Variants in C10orf143 observed in about 807,000 individuals in gnomAD.
C10orf143 encodes the protein uncharacterized protein C10orf143.
At chr10:130,038,710 G>A (rs1310617407) in intron 3 of C10orf143, among the ~76,000 whole-genome samples, 2 of 152,172 alleles carry the variant, frequency 1.3e-5, no homozygotes, top group South Asian at 2.1e-4. Flanking sequence ...CTTGGCCTTA[G>A]CCTCCCTGGC....
chr10:130,096,519 T>C (rs1420896640), intron 1 of C10orf143, among the ~76,000 whole-genome samples: 3 of 144,260 alleles, frequency 2.1e-5, no homozygotes, highest in Non-Finnish European at 3.0e-5. Context: ...CTATTCACAA[T>C]AGCAAAGACT....
intron 3 of C10orf143, among the ~76,000 whole-genome samples, chr10:130,049,265 G>A (rs1220188072): frequency 1.3e-5 from 2 of 152,218 alleles, no homozygotes; most frequent in African/African-American, 2.4e-5. Context: ...GGAGACAGCA[G>A]GCATCTTTGA....
intron 3 of C10orf143, among the ~76,000 whole-genome samples, chr10:130,074,876 C>T (rs1327936804): frequency 6.6e-6 from 1 of 152,084 alleles, no homozygotes; most frequent in Non-Finnish European, 1.5e-5. Context: ...TTGGACCAAA[C>T]ACCTCCCTTC....
Position 130,054,177 on chromosome 10 carries a change from G to T in C10orf143, c.298-18207C>A, listed in dbSNP as rs547100735. Among the ~76,000 whole-genome samples, 71 of 152,266 alleles carry T rather than the reference G, an allele frequency of 4.7e-4. No individual in the cohort carries two copies. The Middle Eastern group carries it at 0.01, about 22-fold the overall frequency. On this transcript the variant is annotated intron_variant and NMD_transcript_variant, in intron 3 of 5. Transcript: ENST00000643056. ...TATACTGGCTGACTTGCAACTGCCC[G>T]TTTTCCCTCCCTCCAGCTCCTGGCA...
chr10:130,110,739 G>T lies in C10orf143; in HGVS notation c.34C>A (p.Arg12=). Residue 12 remains arginine, a synonymous_variant, in exon 1 of 4, where the codon CGG becomes AGG. Coordinates refer to ENST00000637128, the MANE Select transcript of C10orf143 (RefSeq NM_001355042.2). ...GGAACCTGCAGATCCTCCGCCCTCC[G>T]CTGTCGCCAGCGGCCGAGCGCTAAG... ...DSLALGRWRQ[R]RAEDLQVPGD... is the part of the protein sequence containing the mutation. The T allele has an allele frequency of 2.5e-6, 1 of 398,970 alleles. No homozygotes were observed. The highest frequency in any genetic ancestry group is 4.4e-6 in the Non-Finnish European group (1 of 226,132). 24.7% of individuals were successfully genotyped at this position (398,970 alleles called of 1,614,324 possible).
intron 3 of C10orf143, among the ~76,000 whole-genome samples, chr10:130,070,716 G>A (rs746968194): frequency 1.1e-4 from 16 of 152,070 alleles, no homozygotes; most frequent in Non-Finnish European, 2.4e-4. Flanking sequence ...TGTTTCCCAT[G>A]CTTAAAATTG....
chr10:130,097,678 G>A (rs1171056044), intron 1 of C10orf143, among the ~76,000 whole-genome samples: 1 of 152,134 alleles, frequency 6.6e-6, no homozygotes, highest in African/African-American at 2.4e-5. Context: ...CAAAATGAAT[G>A]GATAAACAGA....
intron 3 of C10orf143, among the ~76,000 whole-genome samples, chr10:130,055,952 T>TTAAAAAAAAAAAAAAA (rs1860789333): frequency 1.5e-5 from 1 of 65,860 alleles, no homozygotes; most frequent in Non-Finnish European, 2.7e-5. Context: ...TCTCCAAAAG[T>TTAAAAAAAAAAAAAAA]AAAAAAAAAA....
At position 130,056,739 on chromosome 10, in the gene C10orf143, C is replaced by T. The variant is rs1257742449; in HGVS notation, c.298-20769G>A. Among the ~76,000 whole-genome samples the T allele has an allele frequency of 6.6e-6, 1 of 151,746 alleles. No individual in the cohort carries two copies. The highest frequency in any genetic ancestry group is 1.5e-5 in the Non-Finnish European group (1 of 67,950). ...CCTGAGTAGCTGGGATTACAGGCAC[C>T]CACCACCGCACCTGGCTAATTTTTT... On this transcript the variant is annotated intron_variant and NMD_transcript_variant, in intron 3 of 5. Transcript: ENST00000643056. This position sits in a 1 kb window ranked among gnomAD's most constrained non-coding sequence, Gnocchi z 4.6.
intron 1 of C10orf143, chr10:130,106,042 C>G: frequency 1.9e-6 from 1 of 539,494 alleles, no homozygotes; most frequent in Non-Finnish European, 3.6e-6. Flanking sequence ...GCAGCCTTGG[C>G]GCTATGTTGG....
chr10:130,046,809 A>G (rs980936312), intron 3 of C10orf143, among the ~76,000 whole-genome samples: 1 of 152,214 alleles, frequency 6.6e-6, no homozygotes, highest in African/African-American at 2.4e-5. Context: ...GCGTCTATGC[A>G]GCGCCTAGGC....
intron 3 of C10orf143, 58 bp downstream of exon 3, chr10:130,079,508 C>A (rs1299107476): frequency 1.0e-5 from 4 of 398,648 alleles, no homozygotes; most frequent in African/African-American, 2.1e-5. Flanking sequence ...TTTTATGGAT[C>A]TAATATTTAA....
chr10:130,104,087 T>C (rs1490480093), intron 1 of C10orf143: 1 of 152,042 alleles, frequency 6.6e-6, no homozygotes. Context: ...ACTTACTGTG[T>C]AAAAAGCCGA....
chr10:130,073,235 C>T (rs1315200605), intron 3 of C10orf143, among the ~76,000 whole-genome samples: 1 of 152,180 alleles, frequency 6.6e-6, no homozygotes, highest in East Asian at 1.9e-4. Context: ...CCTGCTGCCA[C>T]CCAAGGCCTT....
At chr10:130,074,934 G>A (rs1224456699) in intron 3 of C10orf143, among the ~76,000 whole-genome samples, 3 of 151,730 alleles carry the variant, frequency 2.0e-5, no homozygotes, top group Non-Finnish European at 2.9e-5. Context: ...CACACACACA[G>A]ACATGCACAC....
chr10:130,106,230 G>A, intron 1 of C10orf143: 1 of 1,379,012 alleles, frequency 7.3e-7, no homozygotes, highest in Non-Finnish European at 1.0e-6. Flanking sequence ...CTGTGGAGAA[G>A]TTTTAGATCG....
At position 130,079,811 on chromosome 10, in the gene C10orf143, C is replaced by T. The variant is rs1213027842; in HGVS notation, c.160G>A (p.Asp54Asn). The T allele has an allele frequency of 2.5e-6, 1 of 398,568 alleles. No homozygotes were observed. Among genetic ancestry groups the T allele is most frequent in the Non-Finnish European group, 4.4e-6 (1 of 226,112 alleles). 24.7% of individuals were successfully genotyped at this position (398,568 alleles called of 1,614,324 possible). Residue 54 changes from aspartate (D) to asparagine (N), a missense_variant, in exon 2 of 4, where the codon GAC becomes AAC. Coordinates refer to ENST00000637128, the MANE Select transcript of C10orf143 (RefSeq NM_001355042.2). Reference protein sequence around the residue: ...ACALASWGPEDRELPSRGCLP... With the variant: ...ACALASWGPENRELPSRGCLP... The stretch of plus-strand genomic sequence containing the variant: ...CAGCCTCTTGATGGAAGCTCCCGGT[C>T]CTCTGGGCCCCAGGACGCCAGGGCA...
downstream of C10orf143, among the ~76,000 whole-genome samples, chr10:130,062,129 G>A (rs1412222936): frequency 6.6e-6 from 1 of 152,162 alleles, no homozygotes; most frequent in Non-Finnish European, 1.5e-5. Context: ...TTCATGGCCT[G>A]TACTAAAATG....
downstream of C10orf143, among the ~76,000 whole-genome samples, chr10:130,062,524 C>T (rs1860868242): frequency 6.6e-6 from 1 of 152,192 alleles, no homozygotes; most frequent in African/African-American, 2.4e-5. Flanking sequence ...CCTTGAACAT[C>T]GAACTCCAAG....
Sources: allele counts gnomAD v4.1 joint callset (sites outside exome capture counted in the v4.1 genomes callset), GRCh38; gene constraint gnomAD v4.1.1; non-coding constraint Gnocchi (gnomAD v3.1); transcripts MANE v1.5; gene names NCBI Gene and HGNC (gene_info 2026-07-23, HGNC 2026-07-21).